KIF5C: variants seen among roughly 807,000 people sequenced by gnomAD.
KIF5C encodes kinesin family member 5C.
KIF5C carries 18 observed loss-of-function variants against 125.2 expected under a neutral mutation model. The observed-to-expected ratio is 0.14, with a 90% confidence interval of 0.10 to 0.21. KIF5C has a LOEUF of 0.21. Among genes scored for constraint, KIF5C ranks in the 10% least tolerant of loss-of-function variants. The pLI is 1.00. For synonymous variants in KIF5C, 405 were observed against 434.0 expected (o/e 0.93, Z 0.83); for missense variants, 780 against 1,183.8 (o/e 0.66, Z 5.01).
At chr2:149,006,432 C>CA (rs1415690774) in intron 22 of KIF5C, among the ~76,000 whole-genome samples, 1 of 152,084 alleles carries the variant, frequency 6.6e-6, no homozygotes, top group African/African-American at 2.4e-5. Flanking sequence ...AAAGAAGTCA[C>CA]ATTTGATGAC....
chr2:148,967,671 G>A (rs1680773884), intron 11 of KIF5C, among the ~76,000 whole-genome samples: 1 of 152,214 alleles, frequency 6.6e-6, no homozygotes, highest in Non-Finnish European at 1.5e-5. Flanking sequence ...CTTGTGGGCC[G>A]ATATCGATGG....
chr2:148,987,253 A>G (rs534492082), intron 15 of KIF5C, among the ~76,000 whole-genome samples: 43 of 152,228 alleles, frequency 2.8e-4, no homozygotes, highest in Non-Finnish European at 5.4e-4. Context: ...CATGTATGCA[A>G]CATGGGTCCC....
chr2:148,974,126 AGGAAAAGAGGCCTTGGAGAACACTG>A (rs2105147900), intron 12 of KIF5C, among the ~76,000 whole-genome samples: 1 of 152,366 alleles, frequency 6.6e-6, no homozygotes, highest in Non-Finnish European at 1.5e-5. Flanking sequence ...GTTGGCATAG[AGGAAAAGAGGCCTTGGAGAACACTG>A]GGAGAATCAA....
chr2:149,002,667 G>A (rs1681885371), intron 21 of KIF5C, among the ~76,000 whole-genome samples: 1 of 151,346 alleles, frequency 6.6e-6, no homozygotes. Context: ...ACACTCCCTT[G>A]TACACTTACA....
chr2:148,993,039 T>C (rs1009372254), intron 16 of KIF5C, among the ~76,000 whole-genome samples: 4 of 152,220 alleles, frequency 2.6e-5, no homozygotes, highest in African/African-American at 9.7e-5. Flanking sequence ...CTGATGGAAC[T>C]GTTAGATGCC....
chr2:148,976,877 G>A (rs1003625841), intron 12 of KIF5C, among the ~76,000 whole-genome samples: 1 of 152,150 alleles, frequency 6.6e-6, no homozygotes, highest in African/African-American at 2.4e-5. Context: ...CACTGTAACT[G>A]GCCTTATGTT....
At chr2:148,928,354 C>T (rs1470211883) in intron 2 of KIF5C, among the ~76,000 whole-genome samples, 3 of 152,100 alleles carry the variant, frequency 2.0e-5, no homozygotes, top group Admixed American at 6.5e-5. Context: ...GACTTCCTCC[C>T]CTTATTCGGA....
intron 1 of KIF5C, among the ~76,000 whole-genome samples, chr2:148,918,977 G>A (rs1406965989): frequency 1.3e-5 from 2 of 152,188 alleles, no homozygotes; most frequent in African/African-American, 4.8e-5. Flanking sequence ...GTTTGGATAT[G>A]GAATCTATGG....
chr2:148,937,627 A>G (rs926761118), intron 4 of KIF5C, among the ~76,000 whole-genome samples: 10 of 152,222 alleles, frequency 6.6e-5, no homozygotes, highest in African/African-American at 2.4e-4. Context: ...ATTGTTGCCC[A>G]AATTCTACCC....
chr2:148,997,524 G>GCCGGGCGCGGTGGCTCACGCCTGT, intron 18 of KIF5C, 184 bp downstream of exon 18: 3 of 1,064,764 alleles, frequency 2.8e-6, no homozygotes, highest in Non-Finnish European at 4.0e-6. Flanking sequence ...AACAAGTCCA[G>GCCGGGCGCGGTGGCTCACGCCTGT]AAACCCCAAG....
At chr2:148,942,052 A>G in intron 6 of KIF5C, 62 bp downstream of exon 6, 5 of 1,566,144 alleles carry the variant, frequency 3.2e-6, no homozygotes, top group Non-Finnish European at 4.4e-6. Context: ...CATAATAATT[A>G]TTACATAAGA....
chr2:148,940,162 AG>A (rs1047154853), intron 4 of KIF5C, among the ~76,000 whole-genome samples: 1 of 152,204 alleles, frequency 6.6e-6, no homozygotes, highest in African/African-American at 2.4e-5. Context: ...GCGCTGAACC[AG>A]GGTGGAGTTG....
rs75963709 is a variant in KIF5C, at chr2:148,899,890, T to G, written c.127-22247T>G. 6.9e-3 allele frequency among the ~76,000 whole-genome samples: 1,053 copies of G among 152,198 alleles called. 6 individuals carry two copies. The highest frequency in any genetic ancestry group is 0.024 in the African/African-American group (984 of 41,516). ...TATGTCTCCTGTGTTCACAGCTGAA[T>G]GTAGGGTATGCCTGGGCATTAAGGC... On this transcript the variant is annotated intron_variant, in intron 1 of 25. Coordinates refer to ENST00000435030, the MANE Select transcript of KIF5C (RefSeq NM_004522.3).
At position 148,876,470 on chromosome 2, in the gene KIF5C, C is replaced by T. The variant is rs1681196380; in HGVS notation, c.126+727C>T. Among the ~76,000 whole-genome samples, 1 of 152,160 alleles carries T rather than the reference C, an allele frequency of 6.6e-6. No individual in the cohort carries two copies. Among genetic ancestry groups the T allele is most frequent in the South Asian group, 2.1e-4 (1 of 4,832 alleles). On this transcript the variant is annotated intron_variant, in intron 1 of 25. Coordinates refer to ENST00000435030, the MANE Select transcript of KIF5C (RefSeq NM_004522.3). This position sits in a 1 kb window ranked among gnomAD's most constrained non-coding sequence, Gnocchi z 4.7. ...CATGTCTGCAGACCCTCTGATGCGC[C>T]TCACGCTGGGTGGAGAGGAGGCTGT...
chr2:148,966,629 A>G (rs1054763945), intron 11 of KIF5C, among the ~76,000 whole-genome samples: 1 of 152,110 alleles, frequency 6.6e-6, no homozygotes, highest in Non-Finnish European at 1.5e-5. Flanking sequence ...CACCTGTACC[A>G]ATTTTCAACC....
intron 1 of KIF5C, among the ~76,000 whole-genome samples, chr2:148,921,934 A>G (rs770862110): frequency 2.0e-5 from 3 of 152,152 alleles, no homozygotes; most frequent in Admixed American, 1.3e-4. Context: ...AAAATCTCAG[A>G]TTCTCAACAT....
At chr2:148,893,005 G>C (rs1284550997) in intron 1 of KIF5C, among the ~76,000 whole-genome samples, 2 of 152,092 alleles carry the variant, frequency 1.3e-5, no homozygotes, top group African/African-American at 4.8e-5. Flanking sequence ...TGGACCTGCA[G>C]GACAGTTTAA....
rs1223099702 is a variant in KIF5C, at chr2:148,924,346, A to G, written c.217+2119A>G. 6.6e-6 allele frequency among the ~76,000 whole-genome samples: 1 copy of G among 152,146 alleles called. No homozygotes were observed. The highest frequency in any genetic ancestry group is 1.9e-4 in the East Asian group (1 of 5,188). ...TCCGAAGAGCACCATAGTCCCCGTG[A>G]TTCCTGATAATGGGTGGACCAAGGA... On this transcript the variant is annotated intron_variant, in intron 2 of 25. Coordinates refer to ENST00000435030, the MANE Select transcript of KIF5C (RefSeq NM_004522.3). The surrounding 1 kb of genome is among the most constrained non-coding windows in gnomAD (Gnocchi z 4.0).
At chr2:148,894,222 G>A (rs186008250) in intron 1 of KIF5C, among the ~76,000 whole-genome samples, 18 of 152,306 alleles carry the variant, frequency 1.2e-4, no homozygotes, top group African/African-American at 4.1e-4. Flanking sequence ...CTTCTATCTA[G>A]TTATCCAGTT....
Sources: allele counts gnomAD v4.1 joint callset (sites outside exome capture counted in the v4.1 genomes callset), GRCh38; gene constraint gnomAD v4.1.1; non-coding constraint Gnocchi (gnomAD v3.1); transcripts MANE v1.5; gene names NCBI Gene and HGNC (gene_info 2026-07-23, HGNC 2026-07-21).